The following ZNF804A variants were observed in gnomAD, a reference collection of about 807,000 sequenced individuals.
ZNF804A encodes zinc finger protein 804A.
Under a neutral mutation model 16.5 loss-of-function variants are expected in ZNF804A, and 2 were observed. That is an observed-to-expected ratio of 0.12 (90% CI 0.05 to 0.38). The LOEUF (loss-of-function observed/expected upper bound fraction) is 0.38. ZNF804A is among the 10% of genes least tolerant of loss of function. The pLI is 0.99. For missense variants in ZNF804A, 1,473 were observed against 1,390.7 expected, an observed-to-expected ratio of 1.06 and a Z score of -0.94; for synonymous variants, 534 against 489.6, an observed-to-expected ratio of 1.09 and a Z score of -1.20.
intron 1 of ZNF804A, among the ~76,000 whole-genome samples, chr2:184,724,261 A>G (rs114996478): frequency 8.7e-4 from 132 of 151,902 alleles, no homozygotes; most frequent in African/African-American, 3.0e-3. Flanking sequence ...TACATTTATT[A>G]CTTTATGTAA....
In ZNF804A at chr2:184,936,831, G is replaced by C. The variant is rs781457503; in HGVS notation, c.1435G>C (p.Asp479His). 2 of 1,612,524 alleles carry C rather than the reference G, an allele frequency of 1.2e-6. No homozygotes were observed. The highest frequency in any genetic ancestry group is 1.1e-5 in the South Asian group (1 of 90,918). ...VNNNLDKNKP[D>H]LKDLCSQQKQ... ...TAATAATCTAGATAAAAATAAGCCA[G>C]ACTTAAAAGATCTTTGTTCTCAGCA... Residue 479 changes from aspartate to histidine, a missense_variant, in exon 4 of 4, where the codon GAC becomes CAC. Transcript: ENST00000302277.
intron 2 of ZNF804A, among the ~76,000 whole-genome samples, chr2:184,920,164 T>G (rs941322343): frequency 6.6e-6 from 1 of 152,094 alleles, no homozygotes; most frequent in African/African-American, 2.4e-5. Context: ...CAGCTATCTA[T>G]TTCAAATGGT....
At chr2:184,833,357 C>T (rs1340490482) in intron 1 of ZNF804A, among the ~76,000 whole-genome samples, 2 of 151,960 alleles carry the variant, frequency 1.3e-5, no homozygotes, top group East Asian at 3.9e-4. Context: ...ATCTTCAGAT[C>T]AGTTCTGTCC....
At chr2:184,770,282 C>A (rs1222478395) in intron 1 of ZNF804A, among the ~76,000 whole-genome samples, 2 of 152,070 alleles carry the variant, frequency 1.3e-5, no homozygotes, top group East Asian at 3.9e-4. Flanking sequence ...ACTTTTCCAA[C>A]CCAAACTGCC....
intron 1 of ZNF804A, among the ~76,000 whole-genome samples, chr2:184,700,531 A>C (rs1045821937): frequency 3.3e-5 from 5 of 152,070 alleles, no homozygotes; most frequent in African/African-American, 1.2e-4. Context: ...TATATTTGAC[A>C]TAGGCTTAAA....
At chr2:184,663,689 C>A (rs1167245774) in intron 1 of ZNF804A, among the ~76,000 whole-genome samples, 1 of 152,076 alleles carries the variant, frequency 6.6e-6, no homozygotes, top group Admixed American at 6.6e-5. Flanking sequence ...TGTTTGGGGC[C>A]CACCGATGGC....
intron 1 of ZNF804A, among the ~76,000 whole-genome samples, chr2:184,720,396 T>G (rs545279382): frequency 1.3e-5 from 2 of 152,094 alleles, no homozygotes; most frequent in Non-Finnish European, 2.9e-5. Flanking sequence ...ATCTGATAAA[T>G]AAATTCAGGA....
intron 2 of ZNF804A, among the ~76,000 whole-genome samples, chr2:184,930,493 T>C (rs1685680433): frequency 6.6e-6 from 1 of 152,156 alleles, no homozygotes; most frequent in Admixed American, 6.5e-5. Context: ...CAAAAATATA[T>C]AGATATATAC....
chr2:184,667,250 C>A lies in ZNF804A; in HGVS notation c.111+68180C>A, dbSNP rs1342188010. On this transcript the variant is annotated intron_variant, in intron 1 of 3. Transcript: ENST00000302277. ...TTGTATTTAGTTGTTAAAATACACT[C>A]TAATGTTTTCTTGGTCTTTTAAGAT... is the stretch of plus-strand genomic sequence containing the variant. Among the ~76,000 whole-genome samples, 3 of 151,934 alleles carry A rather than the reference C, an allele frequency of 2.0e-5. No homozygotes were observed. The East Asian group carries it at 5.8e-4, about 29-fold the overall frequency.
chr2:184,611,068 A>G (rs1691229199), intron 1 of ZNF804A, among the ~76,000 whole-genome samples: 1 of 152,278 alleles, frequency 6.6e-6, no homozygotes, highest in African/African-American at 2.4e-5. Context: ...GAATTCCAAG[A>G]TTAAGGTGCC....
rs757400973 is a variant in ZNF804A, at chr2:184,937,040, T to C, written c.1644T>C (p.Tyr548=). The stretch of plus-strand genomic sequence containing the variant: ...AAAATGAGAACACAGGTCAGAGGTA[T>C]AAAAACATTTCCTGTAAGATCAGAG... ...SGKNENTGQR[Y]KNISCKIRET... is the part of the protein sequence containing the mutation. The change falls in exon 4 of 4, where the codon TAT becomes TAC. Residue 548 remains tyrosine, a synonymous_variant. Coordinates refer to ENST00000302277, the MANE Select transcript of ZNF804A (RefSeq NM_194250.2). 28 of 1,608,316 alleles carry C rather than the reference T, an allele frequency of 1.7e-5. No homozygotes were observed. In the East Asian group the frequency reaches 4.9e-4, roughly 28 times the overall value.
chr2:184,865,923 A>C lies in ZNF804A; in HGVS notation c.112-446A>C, dbSNP rs560636514. 1.4e-4 allele frequency among the ~76,000 whole-genome samples: 21 copies of C among 152,340 alleles called. No individual in the cohort carries two copies. In the South Asian group the frequency reaches 4.3e-3, roughly 32 times the overall value. On this transcript the variant is annotated intron_variant, in intron 1 of 3. Coordinates refer to ENST00000302277, the MANE Select transcript of ZNF804A (RefSeq NM_194250.2). Reference sequence around the variant, plus strand: ...GTTACTATATAGATAATTGAAACAAACAAAATACAAAACTTGTATATTTGT... The same window carrying C: ...GTTACTATATAGATAATTGAAACAACCAAAATACAAAACTTGTATATTTGT...
chr2:184,673,240 G>A (rs1413140486), intron 1 of ZNF804A, among the ~76,000 whole-genome samples: 1 of 152,184 alleles, frequency 6.6e-6, no homozygotes, highest in Non-Finnish European at 1.5e-5. Context: ...AAAAGGGATA[G>A]ACATTGCTTG....
At chr2:184,629,106 T>C (rs1183419713) in intron 1 of ZNF804A, among the ~76,000 whole-genome samples, 1 of 152,200 alleles carries the variant, frequency 6.6e-6, no homozygotes. Context: ...TGTTTATTGC[T>C]ATGTTGAATT....
chr2:184,742,749 C>T (rs964492947), intron 1 of ZNF804A, among the ~76,000 whole-genome samples: 2 of 151,294 alleles, frequency 1.3e-5, no homozygotes, highest in Admixed American at 6.6e-5. Context: ...TATATACATA[C>T]ATAGCAAAGT....
At chr2:184,660,270 A>G (rs1435055022) in intron 1 of ZNF804A, among the ~76,000 whole-genome samples, 1 of 152,252 alleles carries the variant, frequency 6.6e-6, no homozygotes, top group African/African-American at 2.4e-5. Flanking sequence ...CAACTAGAAT[A>G]GGACATGTTT....
At chr2:184,935,267 C>A (rs1685765980) in intron 3 of ZNF804A, among the ~76,000 whole-genome samples, 1 of 152,066 alleles carries the variant, frequency 6.6e-6, no homozygotes, top group Admixed American at 6.5e-5. Context: ...CTCTTAGTTA[C>A]CTTTGCCCAT....
chr2:184,865,569 CA>C (rs1306746297), intron 1 of ZNF804A, among the ~76,000 whole-genome samples: 1 of 152,010 alleles, frequency 6.6e-6, no homozygotes, highest in Non-Finnish European at 1.5e-5. Flanking sequence ...CATGAAATAG[CA>C]AGTAATTTAT....
At chr2:184,644,130 GA>G (rs999676241) in intron 1 of ZNF804A, among the ~76,000 whole-genome samples, 26 of 150,894 alleles carry the variant, frequency 1.7e-4, no homozygotes, top group East Asian at 1.2e-3. Flanking sequence ...TCAACCTTCT[GA>G]AAAAAAATAC....
Sources: allele counts gnomAD v4.1 joint callset (sites outside exome capture counted in the v4.1 genomes callset), GRCh38; gene constraint gnomAD v4.1.1; transcripts MANE v1.5; gene names NCBI Gene and HGNC (gene_info 2026-07-23, HGNC 2026-07-21).